Variants in TRDN observed in about 807,000 individuals in gnomAD.
TRDN encodes the protein triadin.
In TRDN, 161 loss-of-function variants were observed where a neutral mutation model predicts 149.7. The observed-to-expected ratio is 1.08, with a 90% confidence interval of 0.95 to 1.23. The LOEUF is 1.23. Ranked by LOEUF, TRDN falls within the 50% of genes most tolerant of loss-of-function variation. The pLI, the probability that TRDN is intolerant of heterozygous loss-of-function variation, is 0.00. For missense variants in TRDN, 896 were observed against 823.5 expected (o/e 1.09, Z -1.08); for synonymous variants, 294 against 250.5 (o/e 1.17, Z -1.64).
At chr6:123,351,497 G>A in intron 21 of TRDN, 7 of 983,554 alleles carry the variant, frequency 7.1e-6, no homozygotes, top group Non-Finnish European at 8.4e-6. Flanking sequence ...AAATTTCAGA[G>A]TCCCCAGAAG....
At chr6:123,336,043 TAA>T (rs1446416801) in intron 22 of TRDN, among the ~76,000 whole-genome samples, 1 of 152,044 alleles carries the variant, frequency 6.6e-6, no homozygotes, top group Non-Finnish European at 1.5e-5. Context: ...CTGTGAGAAT[TAA>T]GTGTAGTTAC....
At chr6:123,367,286 T>C (rs1781143193) in intron 19 of TRDN, among the ~76,000 whole-genome samples, 1 of 152,182 alleles carries the variant, frequency 6.6e-6, no homozygotes, top group South Asian at 2.1e-4. Flanking sequence ...TAGTTGAGGT[T>C]GTTCCCCTTG....
chr6:123,458,873 G>A (rs1433836340), intron 10 of TRDN, among the ~76,000 whole-genome samples: 1 of 151,818 alleles, frequency 6.6e-6, no homozygotes, highest in African/African-American at 2.4e-5. Flanking sequence ...AAAAAAAAAG[G>A]GGAACACTGG....
At chr6:123,287,574 T>C (rs1321658912) in intron 24 of TRDN, among the ~76,000 whole-genome samples, 1 of 152,124 alleles carries the variant, frequency 6.6e-6, no homozygotes, top group Non-Finnish European at 1.5e-5. Flanking sequence ...ATATATTATG[T>C]TTCAGCAAAT....
chr6:123,604,093 G>T lies in TRDN; in HGVS notation c.22+32661C>A, dbSNP rs557341028. ...TGTCCCCTTTTATCATTTGACAAAT[G>T]AATATTGAGTGCTTACCGCGACAGT... On this transcript the variant is annotated intron_variant, in intron 1 of 40. Coordinates refer to ENST00000334268, the MANE Select transcript of TRDN (RefSeq NM_006073.4). Among the ~76,000 whole-genome samples, 266 of 152,300 alleles carry T rather than the reference G, an allele frequency of 1.7e-3. 1 individual carries two copies. Among genetic ancestry groups the T allele is most frequent in the African/African-American group, 6.3e-3 (260 of 41,566 alleles).
chr6:123,331,826 G>A, intron 23 of TRDN, 53 bp downstream of exon 23: 1 of 1,206,234 alleles, frequency 8.3e-7, no homozygotes, highest in Non-Finnish European at 1.1e-6. Context: ...GCAAATAACT[G>A]AATATGCAAA....
chr6:123,564,700 CAG>C (rs771796549), intron 2 of TRDN, among the ~76,000 whole-genome samples: 1 of 152,178 alleles, frequency 6.6e-6, no homozygotes, highest in Non-Finnish European at 1.5e-5. Flanking sequence ...GCTCTCTTCT[CAG>C]ATTACAGATC....
intron 9 of TRDN, among the ~76,000 whole-genome samples, chr6:123,468,196 A>G (rs1776945530): frequency 6.6e-6 from 1 of 152,220 alleles, no homozygotes; most frequent in Admixed American, 6.6e-5. Context: ...ATTTGTAGAA[A>G]AGAGGCTTAT....
intron 8 of TRDN, among the ~76,000 whole-genome samples, chr6:123,500,062 A>G (rs1375412313): frequency 6.6e-6 from 1 of 151,988 alleles, no homozygotes; most frequent in Non-Finnish European, 1.5e-5. Flanking sequence ...AGATCCAAAA[A>G]TCATTCATTT....
intron 5 of TRDN, chr6:123,529,068 C>T (rs1010474438): frequency 1.4e-6 from 2 of 1,425,114 alleles, no homozygotes. Context: ...CATCAGAATT[C>T]TAATATAGCC....
At chr6:123,365,792 A>G (rs1781074811) in intron 20 of TRDN, among the ~76,000 whole-genome samples, 1 of 152,174 alleles carries the variant, frequency 6.6e-6, no homozygotes, top group Non-Finnish European at 1.5e-5. Flanking sequence ...TTAAAGTTTC[A>G]TTTGTTCGAT....
At chr6:123,385,134 A>T (rs547094383) in intron 14 of TRDN, among the ~76,000 whole-genome samples, 2 of 152,288 alleles carry the variant, frequency 1.3e-5, no homozygotes, top group East Asian at 1.9e-4. Context: ...TGCCAGATGA[A>T]AATGAAATAC....
intron 24 of TRDN, among the ~76,000 whole-genome samples, chr6:123,280,549 C>A (rs1444387500): frequency 1.3e-5 from 2 of 151,980 alleles, no homozygotes; most frequent in African/African-American, 4.8e-5. Context: ...TTTGAATCTT[C>A]CTATCTACAT....
intron 9 of TRDN, among the ~76,000 whole-genome samples, chr6:123,473,233 A>G (rs1356025547): frequency 6.6e-6 from 1 of 152,120 alleles, no homozygotes; most frequent in Non-Finnish European, 1.5e-5. Flanking sequence ...AATAACCAAT[A>G]CAGAGAAGTG....
chr6:123,591,357 T>C (rs1234569664), intron 1 of TRDN, among the ~76,000 whole-genome samples: 4 of 152,196 alleles, frequency 2.6e-5, no homozygotes. Context: ...GCAATTCTCC[T>C]GCCTCAGCCT....
chr6:123,281,411 A>G (rs1298998292), intron 24 of TRDN, among the ~76,000 whole-genome samples: 4 of 152,100 alleles, frequency 2.6e-5, no homozygotes, highest in African/African-American at 9.7e-5. Flanking sequence ...GCACAGTTCA[A>G]TAAGAGGAAA....
At chr6:123,296,465 T>C (rs1778202139) in intron 24 of TRDN, among the ~76,000 whole-genome samples, 1 of 152,164 alleles carries the variant, frequency 6.6e-6, no homozygotes. Context: ...TTAGAAATGT[T>C]ACTACATTTT....
chr6:123,276,784 A>G (rs1777381825), intron 26 of TRDN, among the ~76,000 whole-genome samples: 1 of 152,118 alleles, frequency 6.6e-6, no homozygotes, highest in Non-Finnish European at 1.5e-5. Context: ...TAAAGAAGCA[A>G]AAACAATGCC....
intron 9 of TRDN, among the ~76,000 whole-genome samples, chr6:123,466,993 C>T (rs991276130): frequency 6.6e-6 from 1 of 151,854 alleles, no homozygotes; most frequent in Non-Finnish European, 1.5e-5. Flanking sequence ...ACATAATTTA[C>T]ACTATTACCT....
Sources: allele counts gnomAD v4.1 joint callset (sites outside exome capture counted in the v4.1 genomes callset), GRCh38; gene constraint gnomAD v4.1.1; transcripts MANE v1.5; gene names NCBI Gene and HGNC (gene_info 2026-07-23, HGNC 2026-07-21).